The following CNTRL variants were observed in gnomAD, a reference collection of about 807,000 sequenced individuals.
The protein encoded by CNTRL is centriolin, also known as 110 kDa centrosomal protein.
Under a neutral mutation model 303.7 loss-of-function variants are expected in CNTRL, and 233 were observed. That is an observed-to-expected ratio of 0.77 (90% CI 0.69 to 0.86). CNTRL has a LOEUF of 0.86. Ranked by LOEUF, CNTRL falls within the 40% of genes least tolerant of loss-of-function variation. CNTRL has a pLI of 0.00. For synonymous variants in CNTRL, 900 were observed against 922.2 expected (o/e 0.98, Z 0.44); for missense variants, 2,524 against 2,650.6 (o/e 0.95, Z 1.05).
intron 43 of CNTRL, among the ~76,000 whole-genome samples, chr9:121,176,273 A>G (rs570423249): frequency 2.0e-5 from 3 of 152,236 alleles, no homozygotes; most frequent in Non-Finnish European, 4.4e-5. Context: ...TCTTTACCAC[A>G]GAGCAGTATA....
chr9:121,132,035 C>T (rs560694693), intron 14 of CNTRL, among the ~76,000 whole-genome samples: 1 of 152,270 alleles, frequency 6.6e-6, no homozygotes, highest in African/African-American at 2.4e-5. Flanking sequence ...TGTGGGTAAC[C>T]CAGCCTTTCT....
chr9:121,158,111 T>A lies in CNTRL; in HGVS notation c.4764+2T>A. 6.2e-7 allele frequency: 1 copy of A among 1,613,960 alleles called. No homozygotes were observed. The highest frequency in any genetic ancestry group is 8.5e-7 in the Non-Finnish European group (1 of 1,180,000). On this transcript the variant is annotated splice_donor_variant, in intron 30 of 43. Coordinates refer to ENST00000373855, the MANE Select transcript of CNTRL (RefSeq NM_007018.6). LOFTEE classifies it high-confidence loss of function. ...GAGCTGGAAAAGCTGAAAAGCCAGG[T>A]ATGGCAATAGACACCTTGAAAAAAC...
At chr9:121,176,575 G>A (rs997601212) in intron 43 of CNTRL, among the ~76,000 whole-genome samples, 3 of 152,178 alleles carry the variant, frequency 2.0e-5, no homozygotes, top group Non-Finnish European at 2.9e-5. Context: ...AGAGTAGAGT[G>A]CACAAGGGCT....
At chr9:121,096,329 C>G in intron 5 of CNTRL, 93 bp from the exon 6 acceptor site, 2 of 752,404 alleles carry the variant, frequency 2.7e-6, no homozygotes, top group Non-Finnish European at 3.7e-6. Context: ...GAAAAGTAAT[C>G]TAACATGGAG....
rs1481289119 is a variant in CNTRL, at chr9:121,092,610, T to G, written c.348+2205T>G. Among the ~76,000 whole-genome samples the G allele has an allele frequency of 1.6e-4, 2 of 12,396 alleles. 1 individual carries two copies. The highest frequency in any genetic ancestry group is 4.6e-4 in the African/African-American group (2 of 4,372). 8.1% of individuals were successfully genotyped at this position (12,396 alleles called of 152,430 possible). A position where few individuals can be genotyped will look rare whatever the true frequency, so the allele number is the denominator to read the frequency against. ...TATATCTATATATATAATATATATC[T>G]ATATATATTATATATATCTATATAT... On this transcript the variant is annotated intron_variant, in intron 4 of 43. Coordinates refer to ENST00000373855, the MANE Select transcript of CNTRL (RefSeq NM_007018.6).
rs140091969 is a variant in CNTRL at position 121,153,103 on chromosome 9, C to G, written c.4172+410C>G. On this transcript the variant is annotated intron_variant, in intron 26 of 43. Transcript: ENST00000373855. ...GTCTCTAAATCCTGCTGACTGCATC[C>G]AGAGAGCTCTCAAACTGGTCCCTTT... Among the ~76,000 whole-genome samples the G allele has an allele frequency of 1.3e-4, 20 of 152,334 alleles. No homozygotes were observed. The East Asian group carries it at 3.5e-3, about 26-fold the overall frequency.
intron 23 of CNTRL, among the ~76,000 whole-genome samples, chr9:121,148,456 A>G (rs958052802): frequency 2.0e-5 from 3 of 152,194 alleles, no homozygotes; most frequent in Non-Finnish European, 4.4e-5. Context: ...CATGTCGATC[A>G]AGTCCAGAGG....
rs1564258083 is a variant in CNTRL, at chr9:121,138,569, G to T, written c.2227G>T (p.Glu743Ter). The T allele has an allele frequency of 1.2e-6, 2 of 1,613,900 alleles. No individual in the cohort carries two copies. The highest frequency in any genetic ancestry group is 2.2e-5 in the East Asian group (1 of 44,860). The stretch of plus-strand genomic sequence containing the variant: ...GTTAGAACAATCAGCCCTTCAAGCA[G>T]AACTTGAGAAGGAAAGGCAAGCCCT... ...TQLEQSALQA[E>*]LEKERQALKN... Residue 743 changes from glutamate (E) to a stop codon, truncating the protein, a stop_gained, in exon 16 of 44, where the codon GAA becomes TAA. Coordinates refer to ENST00000373855, the MANE Select transcript of CNTRL (RefSeq NM_007018.6). LOFTEE classifies it high-confidence loss of function.
chr9:121,163,325 A>AT (rs1356224793), intron 34 of CNTRL, among the ~76,000 whole-genome samples: 6 of 145,282 alleles, frequency 4.1e-5, no homozygotes, highest in Non-Finnish European at 7.5e-5. Flanking sequence ...GTTTCAAAAA[A>AT]AAAATATATA....
chr9:121,133,956 G>A (rs1298197387), intron 14 of CNTRL, among the ~76,000 whole-genome samples: 6 of 152,230 alleles, frequency 3.9e-5, no homozygotes, highest in Admixed American at 2.6e-4. Flanking sequence ...AGGAAATTCA[G>A]TATTTTATCA....
Position 121,096,429 on chromosome 9 carries a change from GA to G in CNTRL, c.489del (p.Gly164AlafsTer2). The G allele has an allele frequency of 6.6e-7, 1 of 1,523,702 alleles. No individual in the cohort carries two copies. Among genetic ancestry groups the G allele is most frequent in the Non-Finnish European group, 8.8e-7 (1 of 1,131,836 alleles). 94.4% of individuals were successfully genotyped at this position (1,523,702 alleles called of 1,614,324 possible). On this transcript the variant is annotated frameshift_variant, in exon 6 of 44. Coordinates refer to ENST00000373855, the MANE Select transcript of CNTRL (RefSeq NM_007018.6). LOFTEE classifies it high-confidence loss of function. ...TTATCCTTTGCTTTCCAGCAAAATTGAAGGCATAGAAAATATGTGTAATCTG... is the reference window on the plus strand; with the variant it reads ...TTATCCTTTGCTTTCCAGCAAAATTGAGGCATAGAAAATATGTGTAATCTG... ...NLSYNKISKI[E>X]GIENMCNLQK...
rs1272835409 is a variant in CNTRL at position 121,100,923 on chromosome 9, AC to A, written c.808+2353del. Among the ~76,000 whole-genome samples the A allele has an allele frequency of 8.5e-4, 129 of 152,330 alleles. 2 individuals carry two copies. The highest frequency in any genetic ancestry group is 2.9e-3 in the African/African-American group (120 of 41,574). ...AGATTCATAAAGCAAGTCCTTAGAG[AC>A]CTACAAAGAGACTTAGACTCCCACA... On this transcript the variant is annotated intron_variant, in intron 7 of 43. Transcript: ENST00000373855.
intron 26 of CNTRL, among the ~76,000 whole-genome samples, chr9:121,153,023 T>G (rs192738887): frequency 1.1e-4 from 16 of 152,320 alleles, no homozygotes; most frequent in African/African-American, 3.4e-4. Flanking sequence ...TAGCTAAAAA[T>G]ACAGCAGGGG....
chr9:121,168,592 T>G (rs2053184095), intron 38 of CNTRL, among the ~76,000 whole-genome samples: 1 of 152,176 alleles, frequency 6.6e-6, no homozygotes, highest in Non-Finnish European at 1.5e-5. Context: ...CGTGAATAAT[T>G]GCCAAAAGAT....
At chr9:121,130,296 C>A (rs2050778518) in intron 14 of CNTRL, among the ~76,000 whole-genome samples, 1 of 152,144 alleles carries the variant, frequency 6.6e-6, no homozygotes, top group Non-Finnish European at 1.5e-5. Context: ...TAATTATTGC[C>A]TCAATTTCAG....
rs1339290973 is a variant in CNTRL, at chr9:121,152,740, AT to A, written c.4172+49del. On this transcript the variant is annotated intron_variant, in intron 26 of 43. Transcript: ENST00000373855. ...ATTCAGACAAATACGATATTAGTTC[AT>A]TAATGCTGTCGAACAGAACTTTCTA... 3 of 1,372,542 alleles carry A rather than the reference AT, an allele frequency of 2.2e-6. 1 individual carries two copies. The South Asian group carries it at 3.7e-5, about 17-fold the overall frequency. 85.0% of individuals were successfully genotyped at this position (1,372,542 alleles called of 1,614,324 possible). A position where few individuals can be genotyped will look rare whatever the true frequency, so the allele number is the denominator to read the frequency against.
intron 18 of CNTRL, 84 bp from the exon 19 acceptor site, chr9:121,142,007 G>A: frequency 9.2e-7 from 1 of 1,090,880 alleles, no homozygotes; most frequent in Non-Finnish European, 1.3e-6. Flanking sequence ...GTTGTAAAAT[G>A]GGTGATAATT....
Position 121,123,953 on chromosome 9 carries a change from G to A in CNTRL, c.1673G>A (p.Ser558Asn), listed in dbSNP as rs1367077791. The change falls in exon 13 of 44, where the codon AGC becomes AAC. Residue 558 changes from serine to asparagine, a missense_variant. Coordinates refer to ENST00000373855, the MANE Select transcript of CNTRL (RefSeq NM_007018.6). ...PKHSHMKAQK[S>N]GKEQQLDIMN... ...CAGTCCCATATGAAGGCTCAAAAGAGCGGTAAAGAACAACAGCTTGACATT... is the reference window on the plus strand; with the variant it reads ...CAGTCCCATATGAAGGCTCAAAAGAACGGTAAAGAACAACAGCTTGACATT... 3 of 1,601,804 alleles carry A rather than the reference G, an allele frequency of 1.9e-6. No individual in the cohort carries two copies. The highest frequency in any genetic ancestry group is 1.7e-5 in the Admixed American group (1 of 57,718).
At position 121,177,469 on chromosome 9, in the gene CNTRL, A is replaced by T. The variant is rs2053573659; in HGVS notation, c.*283A>T. The T allele has an allele frequency of 2.8e-6, 1 of 356,752 alleles. No homozygotes were observed. Among genetic ancestry groups the T allele is most frequent in the East Asian group, 4.3e-5 (1 of 23,514 alleles). 22.1% of individuals were successfully genotyped at this position (356,752 alleles called of 1,614,324 possible). On this transcript the variant is annotated 3_prime_UTR_variant, in exon 44 of 44. Coordinates refer to ENST00000373855, the MANE Select transcript of CNTRL (RefSeq NM_007018.6). ...ATGTTTAAAAAAAAACAGTGATTTT[A>T]ACTGCATATTTGAACCTACAAACTG...
Sources: allele counts gnomAD v4.1 joint callset (sites outside exome capture counted in the v4.1 genomes callset), GRCh38; gene constraint gnomAD v4.1.1; transcripts MANE v1.5; gene names NCBI Gene and HGNC (gene_info 2026-07-23, HGNC 2026-07-21).